CYP24A1: variants seen among roughly 807,000 people sequenced by gnomAD.
The protein encoded by CYP24A1 is 1,25-dihydroxyvitamin D(3) 24-hydroxylase, mitochondrial.
A neutral mutation model predicts 62.4 loss-of-function variants in CYP24A1; 68 were observed. The observed-to-expected ratio is 1.09, with a 90% CI of 0.90 to 1.33. The LOEUF is 1.33. CYP24A1 is among the 40% of genes most tolerant of loss of function. CYP24A1 has a pLI of 0.00. For synonymous variants in CYP24A1, 267 were observed against 253.0 expected (o/e 1.06, Z -0.52); for missense variants, 787 against 653.0 (o/e 1.21, Z -2.24).
chr20:54,152,223 C>T (rs1033996348), downstream of CYP24A1, among the ~76,000 whole-genome samples: 5 of 152,288 alleles, frequency 3.3e-5, no homozygotes, highest in South Asian at 2.1e-4. Context: ...TTTGCCTGGA[C>T]ATGTAAAGTC....
intron 7 of CYP24A1, among the ~76,000 whole-genome samples, chr20:54,160,372 G>A (rs1049490003): frequency 6.6e-5 from 10 of 152,166 alleles, no homozygotes; most frequent in African/African-American, 2.2e-4. Flanking sequence ...TTTTTAGGCC[G>A]TACTTTGCTA....
the CYP24A1 span, among the ~76,000 whole-genome samples, chr20:54,143,558 A>G: frequency 6.6e-6 from 1 of 152,114 alleles, no homozygotes; most frequent in African/African-American, 2.4e-5. Flanking sequence ...ATTTTAATTT[A>G]TTATTTTTTA....
the CYP24A1 span, among the ~76,000 whole-genome samples, chr20:54,146,896 G>C: frequency 1.3e-5 from 2 of 152,204 alleles, no homozygotes; most frequent in African/African-American, 4.8e-5. Context: ...AACAATCATG[G>C]AGAAGCATAA....
rs141152573 is a variant in CYP24A1 at position 54,157,506 on chromosome 20, C to A, written c.1316G>T (p.Arg439Leu). Residue 439 changes from arginine to leucine, a missense_variant, in exon 10 of 12, where the codon CGT becomes CTT. Physicochemically the swap from Arg to Leu is moderately radical, Grantham distance 102. Transcript: ENST00000216862. Reference protein sequence around the residue: ...FEDSSQFRPERWLQEKEKINP... With the variant: ...FEDSSQFRPELWLQEKEKINP... ...AATTTTTTCCTTCTCCTGAAGCCAACGTTCAGGTCTAAACTGACTTGAATC... is the reference window on the plus strand; with the variant it reads ...AATTTTTTCCTTCTCCTGAAGCCAAAGTTCAGGTCTAAACTGACTTGAATC... 1 of 1,594,302 alleles carries A rather than the reference C, an allele frequency of 6.3e-7. No homozygotes were observed. Among genetic ancestry groups the A allele is most frequent in the South Asian group, 1.1e-5 (1 of 90,676 alleles).
At position 54,153,665 on chromosome 20, in the gene CYP24A1, G is replaced by T. The variant is rs753877059; in HGVS notation, c.*1107C>A. The T allele has an allele frequency of 2.0e-5, 3 of 152,580 alleles. No individual in the cohort carries two copies. Among genetic ancestry groups the T allele is most frequent in the Non-Finnish European group, 2.9e-5 (2 of 68,000 alleles). The allele number at this position is 152,580 out of a possible 1,614,324, so 9.5% of individuals were successfully genotyped here. On this transcript the variant is annotated 3_prime_UTR_variant, in exon 12 of 12. Transcript: ENST00000216862. ...GGAAGAAATATTTATCAAATACACA[G>T]AATTATATACAGTATGCATTTAGGA...
rs2146502702 is a variant in CYP24A1, at chr20:54,169,621, T to C, written c.611A>G (p.Tyr204Cys). The C allele has an allele frequency of 2.5e-6, 4 of 1,614,206 alleles. No individual in the cohort carries two copies. The highest frequency in any genetic ancestry group is 3.4e-6 in the Non-Finnish European group (4 of 1,180,030). The change falls in exon 4 of 12, where the codon TAC (tyrosine) becomes TGC (cysteine). Residue 204 changes from tyrosine (Y) to cysteine (C), a missense_variant. Physicochemically the swap from Tyr to Cys is radical, Grantham distance 194. Coordinates refer to ENST00000216862, the MANE Select transcript of CYP24A1 (RefSeq NM_000782.5). The stretch of plus-strand genomic sequence containing the variant: ...AAACGACCATTTGTTCAGTTCGCTG[T>C]ACAAGTCTTCAACGTGGCCTCTTTC... ...CDERGHVEDL[Y>C]SELNKWSFES...
In CYP24A1 at chr20:54,173,648, A is replaced by G. The variant is rs1442056175; in HGVS notation, c.-69T>C. The G allele has an allele frequency of 1.8e-6, 2 of 1,099,972 alleles. No homozygotes were observed. Among genetic ancestry groups the G allele is most frequent in the Non-Finnish European group, 2.6e-6 (2 of 757,298 alleles). 68.1% of individuals were successfully genotyped at this position (1,099,972 alleles called of 1,614,324 possible). A position where few individuals can be genotyped will look rare whatever the true frequency, so the allele number is the denominator to read the frequency against. ...TGGGGCGAGGTTGGTACGAGGTGCT[A>G]GTGGGAGTCGGGGCTTAACGATTCT... On this transcript the variant is annotated 5_prime_UTR_variant, in exon 1 of 12. Transcript: ENST00000216862. This position sits in a 1 kb window ranked among gnomAD's most constrained non-coding sequence, Gnocchi z 7.2.
downstream of CYP24A1, among the ~76,000 whole-genome samples, chr20:54,152,086 T>C (rs2092613507): frequency 6.6e-6 from 1 of 152,172 alleles, no homozygotes; most frequent in Non-Finnish European, 1.5e-5. Context: ...TGGCCCTTGC[T>C]CCACCCTGTG....
At chr20:54,169,032 G>A (rs1014946204) in intron 4 of CYP24A1, among the ~76,000 whole-genome samples, 1 of 151,936 alleles carries the variant, frequency 6.6e-6, no homozygotes, top group Admixed American at 6.6e-5. Context: ...CAAGTAGATG[G>A]GACTACAGGC....
At chr20:54,168,595 C>T (rs577714940) in intron 4 of CYP24A1, among the ~76,000 whole-genome samples, 11 of 152,324 alleles carry the variant, frequency 7.2e-5, no homozygotes, top group African/African-American at 2.6e-4. Flanking sequence ...TTGCTCCTTC[C>T]CTTCCTTTAG....
At chr20:54,145,759 C>A in the CYP24A1 span, among the ~76,000 whole-genome samples, 1 of 152,156 alleles carries the variant, frequency 6.6e-6, no homozygotes. Context: ...CACGTAATCA[C>A]CAAGTGACAT....
intron 4 of CYP24A1, among the ~76,000 whole-genome samples, chr20:54,166,997 CCA>C (rs1287784259): frequency 6.6e-6 from 1 of 151,876 alleles, no homozygotes; most frequent in Non-Finnish European, 1.5e-5. Context: ...CGAGATCATA[CCA>C]CTGGCCACTG....
chr20:54,173,431 C>A lies in CYP24A1; in HGVS notation c.149G>T (p.Gly50Val). The A allele has an allele frequency of 6.4e-7, 1 of 1,571,132 alleles. No individual in the cohort carries two copies. Among genetic ancestry groups the A allele is most frequent in the Non-Finnish European group, 8.6e-7 (1 of 1,157,648 alleles). ...CAGGGCGGCCGCGTTCTGAGTCTCG[C>A]CACCAGCTGTCAGCGGGCAGACTGG... is the stretch of plus-strand genomic sequence containing the variant. ...EVPVCPLTAG[G>V]ETQNAAALPG... The change falls in exon 1 of 12, where the codon GGC becomes GTC. Residue 50 changes from glycine (G) to valine (V), a missense_variant. Physicochemically the swap from Gly to Val is moderately radical, Grantham distance 109. Coordinates refer to ENST00000216862, the MANE Select transcript of CYP24A1 (RefSeq NM_000782.5). The surrounding 1 kb of genome is among the most constrained non-coding windows in gnomAD (Gnocchi z 7.2).
At chr20:54,149,422 AG>A (rs2092609223), downstream of CYP24A1, among the ~76,000 whole-genome samples, 1 of 152,220 alleles carries the variant, frequency 6.6e-6, no homozygotes, top group African/African-American at 2.4e-5. Context: ...CAAAATTTCC[AG>A]GGATATTTGT....
At chr20:54,148,297 C>T in the CYP24A1 span, among the ~76,000 whole-genome samples, 1 of 151,530 alleles carries the variant, frequency 6.6e-6, no homozygotes, top group Non-Finnish European at 1.5e-5. Context: ...CACCCAGATT[C>T]TTCAAGCATT....
downstream of CYP24A1, among the ~76,000 whole-genome samples, chr20:54,153,115 C>G (rs1254735715): frequency 6.6e-6 from 1 of 152,142 alleles, no homozygotes; most frequent in African/African-American, 2.4e-5. Flanking sequence ...CCTTTCATGT[C>G]ATGAAAGATA....
the CYP24A1 span, among the ~76,000 whole-genome samples, chr20:54,146,792 T>G: frequency 2.1e-3 from 318 of 152,076 alleles, 1 homozygote; most frequent in Middle Eastern, 6.8e-3. Context: ...TACTTGGGAG[T>G]TGATGCTACT....
chr20:54,151,587 G>A (rs191502994), downstream of CYP24A1, among the ~76,000 whole-genome samples: 801 of 151,576 alleles, frequency 5.3e-3, 1 homozygote, highest in Non-Finnish European at 8.3e-3. Context: ...CTGCTCTGTC[G>A]CCAGGCTGGA....
intron 4 of CYP24A1, among the ~76,000 whole-genome samples, chr20:54,168,991 G>C (rs371752782): frequency 3.2e-4 from 48 of 151,796 alleles, no homozygotes; most frequent in African/African-American, 1.2e-3. Flanking sequence ...TCAGCGTCCC[G>C]GGGTCAAGCA....
Sources: allele counts gnomAD v4.1 joint callset (sites outside exome capture counted in the v4.1 genomes callset), GRCh38; gene constraint gnomAD v4.1.1; non-coding constraint Gnocchi (gnomAD v3.1); transcripts MANE v1.5; gene names NCBI Gene and HGNC (gene_info 2026-07-23, HGNC 2026-07-21).